PARD3B: variants seen among roughly 807,000 people sequenced by gnomAD.
The protein encoded by PARD3B is partitioning defective 3 homolog B.
A neutral mutation model predicts 130.2 loss-of-function variants in PARD3B; 103 were observed. That is an observed-to-expected ratio of 0.79 (90% CI 0.67 to 0.93). PARD3B has a LOEUF of 0.93. Ranked by LOEUF, PARD3B falls within the 40% of genes least tolerant of loss-of-function variation. The probability of loss-of-function intolerance (pLI) is 0.00; values close to 1 mark genes in which losing one functional copy is unlikely to be tolerated. For synonymous variants in PARD3B, 583 were observed against 553.2 expected, an observed-to-expected ratio of 1.05 and a Z score of -0.76; for missense variants, 1,609 against 1,499.2, an observed-to-expected ratio of 1.07 and a Z score of -1.21.
At chr2:205,090,185 A>G (rs4675492) in intron 4 of PARD3B, among the ~76,000 whole-genome samples, 151,151 of 152,338 alleles carry the variant, frequency 0.99, 75,002 homozygotes, top group Middle Eastern at 1. Flanking sequence ...TTGCCTCACT[A>G]ATTAGATATG....
chr2:204,549,109 G>T (rs548946842), intron 1 of PARD3B, among the ~76,000 whole-genome samples: 1 of 152,300 alleles, frequency 6.6e-6, no homozygotes, highest in South Asian at 2.1e-4. Context: ...GGAACCCCCT[G>T]AATCAACATC....
chr2:205,425,552 A>C (rs1443598496), intron 19 of PARD3B, among the ~76,000 whole-genome samples: 2 of 1,900 alleles, frequency 1.1e-3, no homozygotes, highest in Admixed American at 0.023. Context: ...ACTCGGTGTA[A>C]AAAAAAAAAA....
chr2:204,945,887 T>G (rs1689282638), intron 2 of PARD3B, among the ~76,000 whole-genome samples: 1 of 140,750 alleles, frequency 7.1e-6, no homozygotes, highest in East Asian at 1.9e-4. Context: ...ATCCTGCTAG[T>G]TGGTTGGCTT....
In PARD3B at chr2:205,479,019, A is replaced by G. The variant is rs1253119226; in HGVS notation, c.3045-20877A>G. On this transcript the variant is annotated intron_variant, in intron 20 of 22. Coordinates refer to ENST00000406610, the MANE Select transcript of PARD3B (RefSeq NM_001302769.2). The stretch of plus-strand genomic sequence containing the variant: ...GCCATAAGAACATGTTACAATGGAA[A>G]GAATTTCAAAAACTTGTAGACGTTT... Among the ~76,000 whole-genome samples the G allele has an allele frequency of 2.0e-5, 3 of 152,358 alleles. No individual in the cohort carries two copies. In the South Asian group the frequency reaches 6.2e-4, roughly 32 times the overall value.
chr2:205,166,010 C>T (rs1389907817), intron 11 of PARD3B, among the ~76,000 whole-genome samples: 1 of 152,004 alleles, frequency 6.6e-6, no homozygotes. Context: ...GTTCGTGACT[C>T]TCTCATAGTT....
chr2:205,380,433 A>ATTATATATAAAGAATATATATTATATT (rs2045307844), intron 18 of PARD3B, among the ~76,000 whole-genome samples: 1 of 46,836 alleles, frequency 2.1e-5, no homozygotes, highest in African/African-American at 9.3e-5. Flanking sequence ...TATATTATAT[A>ATTATATATAAAGAATATATATTATATT]TTATATAAAG....
intron 2 of PARD3B, among the ~76,000 whole-genome samples, chr2:204,739,919 A>T (rs2039926452): frequency 6.6e-6 from 1 of 152,054 alleles, no homozygotes; most frequent in African/African-American, 2.4e-5. Context: ...TGACATTTTT[A>T]AAAGAAATAT....
chr2:204,867,153 AT>A (rs928166927), intron 2 of PARD3B, among the ~76,000 whole-genome samples: 6 of 150,772 alleles, frequency 4.0e-5, no homozygotes, highest in African/African-American at 7.3e-5. Flanking sequence ...GCATTTGTTG[AT>A]TTTTTTTTTC....
intron 10 of PARD3B, among the ~76,000 whole-genome samples, chr2:205,151,868 C>A (rs1462319852): frequency 1.3e-5 from 2 of 152,182 alleles, no homozygotes; most frequent in Non-Finnish European, 2.9e-5. Flanking sequence ...ATGGTCTTTA[C>A]AATTTAGCAT....
rs531209142 is a variant in PARD3B, at chr2:205,127,565, T to C, written c.1434+1828T>C. On this transcript the variant is annotated intron_variant, in intron 10 of 22. Transcript: ENST00000406610. The stretch of plus-strand genomic sequence containing the variant: ...TTATTATCAAATATGTAAAGAGTTA[T>C]TGTATGGATTGGAAAGTAGACCTGA... 2.0e-5 allele frequency among the ~76,000 whole-genome samples: 3 copies of C among 152,310 alleles called. No homozygotes were observed. In the East Asian group the frequency reaches 5.8e-4, roughly 29 times the overall value.
At chr2:204,896,057 C>T (rs1007963289) in intron 2 of PARD3B, among the ~76,000 whole-genome samples, 3 of 152,124 alleles carry the variant, frequency 2.0e-5, no homozygotes, top group Non-Finnish European at 1.5e-5. Flanking sequence ...TTGGAATGTA[C>T]AGGTTCTCTA....
intron 1 of PARD3B, among the ~76,000 whole-genome samples, chr2:204,654,868 A>G (rs1315765413): frequency 6.6e-6 from 1 of 152,150 alleles, no homozygotes; most frequent in Non-Finnish European, 1.5e-5. Flanking sequence ...AAACTTTCTT[A>G]AACAGTAGAT....
intron 2 of PARD3B, among the ~76,000 whole-genome samples, chr2:204,750,578 G>A (rs559788238): frequency 2.0e-5 from 3 of 151,550 alleles, no homozygotes; most frequent in East Asian, 2.0e-4. Context: ...AGAGTGAAAC[G>A]CTGTTTCAAA....
At chr2:204,795,545 T>C (rs2042341181) in intron 2 of PARD3B, among the ~76,000 whole-genome samples, 1 of 152,200 alleles carries the variant, frequency 6.6e-6, no homozygotes, top group Non-Finnish European at 1.5e-5. Context: ...TGGCCACTTG[T>C]CACCATAGTT....
chr2:205,206,011 A>C (rs1454590991), intron 15 of PARD3B, among the ~76,000 whole-genome samples: 1 of 152,140 alleles, frequency 6.6e-6, no homozygotes, highest in Non-Finnish European at 1.5e-5. Context: ...GAATAGTTTC[A>C]GAAGGAATGG....
rs548126264 is a variant in PARD3B, at chr2:204,547,039, GC to G, written c.120+921del. Among the ~76,000 whole-genome samples, 7 of 152,252 alleles carry G rather than the reference GC, an allele frequency of 4.6e-5. No individual in the cohort carries two copies. The South Asian group carries it at 1.5e-3, about 32-fold the overall frequency. Reference sequence around the variant, plus strand: ...ATGTCCCAAATGCTCCTCAAACAGGGCAAGTCACAAATTCTTGTTTTAGCGG... The same window carrying G: ...ATGTCCCAAATGCTCCTCAAACAGGGAAGTCACAAATTCTTGTTTTAGCGG... On this transcript the variant is annotated intron_variant, in intron 1 of 22. Transcript: ENST00000406610.
intron 1 of PARD3B, among the ~76,000 whole-genome samples, chr2:204,630,146 C>T (rs1438152623): frequency 6.6e-6 from 1 of 152,070 alleles, no homozygotes; most frequent in Non-Finnish European, 1.5e-5. Context: ...ATCTAGTACC[C>T]TCTATTCTTT....
intron 1 of PARD3B, among the ~76,000 whole-genome samples, chr2:204,578,235 G>A (rs1343774018): frequency 1.3e-5 from 2 of 152,202 alleles, no homozygotes; most frequent in African/African-American, 2.4e-5. Flanking sequence ...TAACAAGGAA[G>A]CAGGGTAGAG....
chr2:205,302,184 T>G (rs1482460554), intron 18 of PARD3B, among the ~76,000 whole-genome samples: 1 of 147,272 alleles, frequency 6.8e-6, no homozygotes, highest in East Asian at 2.1e-4. Context: ...TTCTTCTGCC[T>G]TAGCCTCCCT....
Sources: gnomAD v4.1 joint callset for allele counts (sites outside exome capture counted in the v4.1 genomes callset) on GRCh38, gnomAD v4.1.1 for gene constraint, MANE v1.5 for transcripts, NCBI Gene and HGNC (gene_info 2026-07-23, HGNC 2026-07-21) for gene names.